The following USH2A variants were observed in gnomAD, a reference collection of about 807,000 sequenced individuals.
USH2A encodes the protein usherin.
USH2A carries 443 observed loss-of-function variants against 538.9 expected under a neutral mutation model. The observed-to-expected ratio is 0.82, with a 90% CI of 0.76 to 0.89. The LOEUF (loss-of-function observed/expected upper bound fraction) is 0.89. USH2A is among the 40% of genes least tolerant of loss of function. The pLI, the probability that USH2A is intolerant of heterozygous loss-of-function variation, is 0.00. For missense variants in USH2A, 6,633 were observed against 6,324.8 expected (o/e 1.05, Z -1.65); for synonymous variants, 2,413 against 2,273.5 (o/e 1.06, Z -1.75).
chr1:215,834,299 A>G (rs1312211384), intron 47 of USH2A, among the ~76,000 whole-genome samples: 2 of 152,142 alleles, frequency 1.3e-5, no homozygotes, highest in African/African-American at 4.8e-5. Flanking sequence ...CAAACTGTGC[A>G]CAAACTGTAG....
chr1:215,900,872 G>T lies in USH2A; in HGVS notation c.7334C>A (p.Ser2445Tyr). 1 of 1,613,702 alleles carries T rather than the reference G, an allele frequency of 6.2e-7. No homozygotes were observed. Among genetic ancestry groups the T allele is most frequent in the Non-Finnish European group, 8.5e-7 (1 of 1,179,742 alleles). ...AACCTGAAGACTGGTTGGAGTGGCA[G>T]ATGAAAGCCTGGGAGGCAGCACGCC... Reference protein sequence around the residue: ...PDGVLPPRLSSATPTSLQVVW... With the variant: ...PDGVLPPRLSYATPTSLQVVW... Residue 2445 changes from serine to tyrosine, a missense_variant, in exon 39 of 72, where the codon TCT becomes TAT. Physicochemically the swap from Ser to Tyr is moderately radical, Grantham distance 144 (BLOSUM62 -2). Transcript: ENST00000307340.
chr1:216,175,215 C>T (rs749410282), intron 21 of USH2A, 37 bp downstream of exon 21: 9 of 1,612,472 alleles, frequency 5.6e-6, no homozygotes, highest in South Asian at 3.3e-5. Context: ...TTTGGAGCTT[C>T]GTGTCTCCTA....
chr1:216,314,367 C>G (rs1265305598), intron 9 of USH2A, among the ~76,000 whole-genome samples: 1 of 151,924 alleles, frequency 6.6e-6, no homozygotes, highest in Non-Finnish European at 1.5e-5. Flanking sequence ...AAACATATAT[C>G]AAATGTAGAT....
chr1:216,366,133 G>A (rs1376955614), intron 3 of USH2A, among the ~76,000 whole-genome samples: 1 of 152,076 alleles, frequency 6.6e-6, no homozygotes, highest in Non-Finnish European at 1.5e-5. Context: ...GGAATAATTG[G>A]TACTCTAATT....
chr1:215,654,398 T>G (rs555598527), intron 64 of USH2A, among the ~76,000 whole-genome samples: 2 of 152,300 alleles, frequency 1.3e-5, no homozygotes, highest in East Asian at 3.9e-4. Flanking sequence ...TGTCCATGTG[T>G]TCTCATAGAC....
At chr1:216,313,942 A>T (rs887097826) in intron 9 of USH2A, among the ~76,000 whole-genome samples, 1 of 152,014 alleles carries the variant, frequency 6.6e-6, no homozygotes, top group African/African-American at 2.4e-5. Flanking sequence ...GGCTGTTTTT[A>T]GGATGCTGTT....
intron 37 of USH2A, among the ~76,000 whole-genome samples, chr1:215,952,912 C>A (rs1000526842): frequency 1.4e-4 from 22 of 152,254 alleles, no homozygotes; most frequent in Middle Eastern, 3.4e-3. Flanking sequence ...CATTCTTATA[C>A]ACCAATAACA....
chr1:215,721,723 A>G (rs1028011789), intron 61 of USH2A, among the ~76,000 whole-genome samples: 7 of 152,248 alleles, frequency 4.6e-5, no homozygotes, highest in African/African-American at 1.4e-4. Context: ...AAGATTATGT[A>G]AGGCAAGTAA....
intron 60 of USH2A, among the ~76,000 whole-genome samples, chr1:215,740,941 C>T (rs1244561160): frequency 6.6e-6 from 1 of 152,180 alleles, no homozygotes. Context: ...ACTAATCTGA[C>T]AGGAGGTGAA....
intron 71 of USH2A, among the ~76,000 whole-genome samples, chr1:215,626,389 C>T (rs773012482): frequency 6.6e-6 from 1 of 151,296 alleles, no homozygotes; most frequent in East Asian, 1.9e-4. Flanking sequence ...GTCTTGAACT[C>T]CTGACCTCTG....
intron 49 of USH2A, among the ~76,000 whole-genome samples, chr1:215,807,692 C>A (rs749413401): frequency 6.6e-6 from 1 of 151,968 alleles, no homozygotes; most frequent in Non-Finnish European, 1.5e-5. Context: ...AACAAGGATC[C>A]TTTGTTTCAT....
chr1:215,891,999 T>C (rs1158784168), intron 40 of USH2A, among the ~76,000 whole-genome samples: 7 of 152,172 alleles, frequency 4.6e-5, no homozygotes, highest in Admixed American at 2.0e-4. Context: ...TTTTGGCAAA[T>C]GAAATTATCT....
chr1:216,196,312 GA>G (rs886488624), intron 19 of USH2A, among the ~76,000 whole-genome samples: 1 of 150,866 alleles, frequency 6.6e-6, no homozygotes. Flanking sequence ...ATGATAAATG[GA>G]AAAAAAACAA....
chr1:215,681,545 G>A (rs1171430121), intron 61 of USH2A, among the ~76,000 whole-genome samples: 1 of 152,122 alleles, frequency 6.6e-6, no homozygotes, highest in Non-Finnish European at 1.5e-5. Flanking sequence ...GTGGAGTAGT[G>A]AAAGTTATTT....
chr1:216,036,611 T>A (rs1188443169), intron 32 of USH2A, among the ~76,000 whole-genome samples: 1 of 152,188 alleles, frequency 6.6e-6, no homozygotes, highest in Non-Finnish European at 1.5e-5. Flanking sequence ...ATGGTTTATA[T>A]GGTTTGTTTG....
At chr1:216,161,224 T>A (rs2034052927) in intron 21 of USH2A, among the ~76,000 whole-genome samples, 1 of 152,130 alleles carries the variant, frequency 6.6e-6, no homozygotes, top group African/African-American at 2.4e-5. Flanking sequence ...CACAGTGGTA[T>A]TTGTCCTTTT....
At chr1:216,127,706 A>G (rs1233096992) in intron 21 of USH2A, among the ~76,000 whole-genome samples, 2 of 152,228 alleles carry the variant, frequency 1.3e-5, no homozygotes, top group Non-Finnish European at 2.9e-5. Context: ...AGAATTTGTG[A>G]GCCTAAAAAT....
intron 61 of USH2A, among the ~76,000 whole-genome samples, chr1:215,704,844 T>C (rs1321160210): frequency 6.6e-6 from 1 of 152,236 alleles, no homozygotes; most frequent in Non-Finnish European, 1.5e-5. Flanking sequence ...CTTGTCTCTC[T>C]TCTCTGTTCT....
intron 44 of USH2A, among the ~76,000 whole-genome samples, chr1:215,865,453 G>A (rs1173958372): frequency 6.6e-6 from 1 of 152,102 alleles, no homozygotes; most frequent in Non-Finnish European, 1.5e-5. Flanking sequence ...TATATTGGTG[G>A]AAATTCACCA....
Sources: gnomAD v4.1 joint callset for allele counts (sites outside exome capture counted in the v4.1 genomes callset) on GRCh38, gnomAD v4.1.1 for gene constraint, MANE v1.5 for transcripts, NCBI Gene and HGNC (gene_info 2026-07-23, HGNC 2026-07-21) for gene names.